The following SLC38A9 variants were observed in gnomAD, a reference collection of about 807,000 sequenced individuals.
SLC38A9 encodes the protein neutral amino acid transporter 9.
SLC38A9 carries 48 observed loss-of-function variants against 62.3 expected under a neutral mutation model. That is an observed-to-expected ratio of 0.77 (90% CI 0.61 to 0.98). The LOEUF is 0.98. SLC38A9 is among the 50% of genes least tolerant of loss of function. The pLI is 0.00. For missense variants in SLC38A9, 541 were observed against 679.8 expected (o/e 0.80, Z 2.27); for synonymous variants, 204 against 227.7 (o/e 0.90, Z 0.94).
chr5:55,631,007 C>A, intron 14 of SLC38A9, among the ~76,000 whole-genome samples: 1 of 151,962 alleles, frequency 6.6e-6, no homozygotes, highest in East Asian at 1.9e-4. Flanking sequence ...GTGGTGGGTG[C>A]CTGTAATCCC....
intron 2 of SLC38A9, among the ~76,000 whole-genome samples, chr5:55,701,014 A>T (rs1580431632): frequency 6.6e-6 from 1 of 152,290 alleles, no homozygotes; most frequent in Non-Finnish European, 1.5e-5. Context: ...GTGCTGCCCA[A>T]TACAGTGGCC....
chr5:55,635,745 T>C (rs890411910), intron 12 of SLC38A9, 88 bp from the exon 13 acceptor site: 2 of 824,216 alleles, frequency 2.4e-6, no homozygotes, highest in Non-Finnish European at 3.9e-6. Flanking sequence ...CAAATAAATA[T>C]AAAATTTGTC....
At position 55,680,226 on chromosome 5, in the gene SLC38A9, T is replaced by TAGAGAG. The variant is rs59019385; in HGVS notation, c.114-7537_114-7532dup. Among the ~76,000 whole-genome samples, 374 of 151,336 alleles carry TAGAGAG rather than the reference T, an allele frequency of 2.5e-3. 2 individuals carry two copies. The highest frequency in any genetic ancestry group is 5.7e-3 in the African/African-American group (236 of 41,170). ...TTCAGTGTATATATCTATATATATA[T>TAGAGAG]AGAGAGAGAGAGATACATTTTATTT... On this transcript the variant is annotated intron_variant, in intron 3 of 15. Coordinates refer to ENST00000396865, the MANE Select transcript of SLC38A9 (RefSeq NM_173514.4).
At chr5:55,660,831 G>T (rs910258101) in intron 8 of SLC38A9, among the ~76,000 whole-genome samples, 1 of 151,962 alleles carries the variant, frequency 6.6e-6, no homozygotes, top group Non-Finnish European at 1.5e-5. Context: ...TATCTAAAAG[G>T]CTCCTTGAAG....
intron 9 of SLC38A9, among the ~76,000 whole-genome samples, chr5:55,653,704 G>T (rs954817863): frequency 6.6e-6 from 1 of 151,958 alleles, no homozygotes; most frequent in African/African-American, 2.4e-5. Context: ...TGTCACCCAG[G>T]CTGGAGTGCA....
intron 5 of SLC38A9, 33 bp from the exon 6 acceptor site, chr5:55,669,653 G>T: frequency 6.3e-7 from 1 of 1,592,704 alleles, no homozygotes; most frequent in Non-Finnish European, 8.6e-7. Context: ...GTAAAAAAAT[G>T]GAGTTTCACT....
intron 3 of SLC38A9, among the ~76,000 whole-genome samples, chr5:55,676,994 T>C (rs1752196414): frequency 1.3e-5 from 2 of 152,194 alleles, no homozygotes; most frequent in South Asian, 4.1e-4. Context: ...TTCAAAATTT[T>C]CTAAGATTTA....
intron 2 of SLC38A9, among the ~76,000 whole-genome samples, chr5:55,710,399 G>C (rs970005272): frequency 6.6e-6 from 1 of 151,192 alleles, no homozygotes; most frequent in African/African-American, 2.4e-5. Flanking sequence ...GTAGAGACAG[G>C]GTTTCACCAT....
At chr5:55,671,613 C>T (rs1268686592) in intron 4 of SLC38A9, among the ~76,000 whole-genome samples, 1 of 151,556 alleles carries the variant, frequency 6.6e-6, no homozygotes, top group Non-Finnish European at 1.5e-5. Flanking sequence ...ATCCCAGCAC[C>T]TCAGGGTGGG....
intron 3 of SLC38A9, among the ~76,000 whole-genome samples, chr5:55,676,094 C>T (rs1007548753): frequency 2.0e-5 from 3 of 152,200 alleles, no homozygotes; most frequent in African/African-American, 7.2e-5. Flanking sequence ...TGGTGAAGGA[C>T]ACATGGAGAA....
intron 2 of SLC38A9, among the ~76,000 whole-genome samples, chr5:55,708,880 C>A (rs1338469433): frequency 6.6e-6 from 1 of 152,178 alleles, no homozygotes; most frequent in Non-Finnish European, 1.5e-5. Flanking sequence ...AAAAATATAT[C>A]TGTCAGCAGG....
chr5:55,705,451 A>G (rs1315772620), intron 2 of SLC38A9, among the ~76,000 whole-genome samples: 1 of 147,860 alleles, frequency 6.8e-6, no homozygotes, highest in East Asian at 1.9e-4. Flanking sequence ...AAAAAAAAAA[A>G]GAAAGAAAGA....
In SLC38A9 at chr5:55,652,643, G is replaced by T. The variant is rs1324956868; in HGVS notation, c.838C>A (p.Gln280Lys). ...GACTTATCCCACCACTTTTCAAACT[G>T]TTGGGCTCCTGTGTCATTGGCATAG... Reference protein sequence around the residue: ...IFYANDTGAQQFEKWWDKSRT... With the variant: ...IFYANDTGAQKFEKWWDKSRT... Residue 280 changes from glutamine to lysine, a missense_variant, in exon 10 of 16, where the codon CAG (glutamine) becomes AAG (lysine). Physicochemically the swap from Gln to Lys is moderately conservative, Grantham distance 53. Transcript: ENST00000396865. 2 of 1,613,822 alleles carry T rather than the reference G, an allele frequency of 1.2e-6. No homozygotes were observed. Among genetic ancestry groups the T allele is most frequent in the Non-Finnish European group, 1.7e-6 (2 of 1,179,834 alleles).
intron 2 of SLC38A9, among the ~76,000 whole-genome samples, chr5:55,703,627 C>A (rs1431346260): frequency 6.6e-6 from 1 of 151,942 alleles, no homozygotes. Flanking sequence ...CCTGCTCTTT[C>A]TCTTCCTTCC....
chr5:55,659,389 T>A (rs906392895), intron 8 of SLC38A9, among the ~76,000 whole-genome samples: 2 of 146,168 alleles, frequency 1.4e-5, no homozygotes, highest in East Asian at 2.0e-4. Flanking sequence ...TTTTTTTTTT[T>A]ATTTTATTTT....
At chr5:55,660,751 A>T (rs1749368946) in intron 8 of SLC38A9, among the ~76,000 whole-genome samples, 2 of 152,172 alleles carry the variant, frequency 1.3e-5, no homozygotes, top group South Asian at 4.1e-4. Flanking sequence ...ATATATGCAT[A>T]CAGTTCATAA....
intron 14 of SLC38A9, among the ~76,000 whole-genome samples, chr5:55,631,072 G>A (rs1743350135): frequency 1.3e-5 from 2 of 152,200 alleles, no homozygotes; most frequent in Non-Finnish European, 2.9e-5. Context: ...GGCAGGGGTT[G>A]CAGTGAGCCA....
intron 2 of SLC38A9, among the ~76,000 whole-genome samples, chr5:55,706,646 A>G (rs1010869466): frequency 1.3e-5 from 2 of 152,246 alleles, no homozygotes; most frequent in Non-Finnish European, 2.9e-5. Flanking sequence ...ATAACAAATC[A>G]TAAATGAGGA....
chr5:55,630,460 A>G (rs988370509), intron 14 of SLC38A9, among the ~76,000 whole-genome samples: 17 of 151,920 alleles, frequency 1.1e-4, no homozygotes, highest in African/African-American at 3.9e-4. Context: ...TGGGATTACA[A>G]GCGCCTGCCA....
Sources: gnomAD v4.1 joint callset for allele counts (sites outside exome capture counted in the v4.1 genomes callset) on GRCh38, gnomAD v4.1.1 for gene constraint, MANE v1.5 for transcripts, NCBI Gene and HGNC (gene_info 2026-07-23, HGNC 2026-07-21) for gene names.